The following GTF3C1 variants were observed in gnomAD, a reference collection of about 807,000 sequenced individuals.
GTF3C1 encodes the protein general transcription factor 3C polypeptide 1.
A neutral mutation model predicts 226.7 loss-of-function variants in GTF3C1; 57 were observed. The observed-to-expected ratio is 0.25, with a 90% CI of 0.20 to 0.31. The LOEUF (loss-of-function observed/expected upper bound fraction) is 0.31. Ranked by LOEUF, GTF3C1 falls within the 10% of genes least tolerant of loss-of-function variation. The probability of loss-of-function intolerance (pLI) is 1.00; values close to 1 mark genes in which losing one functional copy is unlikely to be tolerated. For missense variants in GTF3C1, 2,217 were observed against 2,776.1 expected, an observed-to-expected ratio of 0.80 and a Z score of 4.53; for synonymous variants, 1,090 against 1,084.8, an observed-to-expected ratio of 1.00 and a Z score of -0.09.
chr16:27,461,672 G>T lies in GTF3C1; in HGVS notation c.6118-110C>A. 1.3e-6 allele frequency: 1 copy of T among 794,456 alleles called. No homozygotes were observed. The highest frequency in any genetic ancestry group is 2.1e-6 in the Non-Finnish European group (1 of 485,160). The allele number at this position is 794,456 out of a possible 1,614,324, so 49.2% of individuals were successfully genotyped here. On this transcript the variant is annotated intron_variant, in intron 36 of 36. Coordinates refer to ENST00000356183, the MANE Select transcript of GTF3C1 (RefSeq NM_001520.4). The surrounding 1 kb of genome is among the most constrained non-coding windows in gnomAD (Gnocchi z 5.3). ...CTCTGTACCAGGGAGCCACTTCCCA[G>T]AGCAGGGGGCACCTGAACTGGGCAT...
chr16:27,503,069 T>A, intron 10 of GTF3C1, 74 bp from the exon 11 acceptor site: 1 of 1,136,710 alleles, frequency 8.8e-7, no homozygotes, highest in South Asian at 1.3e-5. Flanking sequence ...CACCTGTGGG[T>A]GCACTGGCCC....
At chr16:27,517,859 A>T (rs232081) in intron 6 of GTF3C1, among the ~76,000 whole-genome samples, 25,241 of 152,224 alleles carry the variant, frequency 0.17, 2,264 homozygotes, top group Middle Eastern at 0.22. Flanking sequence ...ATGTGATCTA[A>T]CCGATGCCTT....
At chr16:27,472,037 G>C in intron 29 of GTF3C1, 117 bp from the exon 30 acceptor site, 1 of 840,860 alleles carries the variant, frequency 1.2e-6, no homozygotes, top group Non-Finnish European at 1.9e-6. Flanking sequence ...CCGATCGTGG[G>C]AGGCCCAGGC....
At chr16:27,479,843 C>T (rs1010228676) in intron 27 of GTF3C1, among the ~76,000 whole-genome samples, 2 of 152,150 alleles carry the variant, frequency 1.3e-5, no homozygotes, top group African/African-American at 4.8e-5. Context: ...GTTACACTTG[C>T]AACTTTTTCT....
chr16:27,492,417 G>A lies in GTF3C1; in HGVS notation c.3072C>T (p.Arg1024=). ...CCTGCATTGAGTTCAGGACATAGAG[G>A]CGCCTCTCGAAGGGCCGGCTGCTGC... ...LARSSRPFER[R]LYVLNSMQDV... The change falls in exon 19 of 37, where the codon CGC becomes CGT. Residue 1024 remains arginine (R), a synonymous_variant. Coordinates refer to ENST00000356183, the MANE Select transcript of GTF3C1 (RefSeq NM_001520.4). This position sits in a 1 kb window ranked among gnomAD's most constrained non-coding sequence, Gnocchi z 5.0. 1 of 1,611,464 alleles carries A rather than the reference G, an allele frequency of 6.2e-7. No homozygotes were observed. The highest frequency in any genetic ancestry group is 8.5e-7 in the Non-Finnish European group (1 of 1,177,770).
chr16:27,496,471 G>A (rs1233453956), intron 14 of GTF3C1, among the ~76,000 whole-genome samples: 2 of 152,268 alleles, frequency 1.3e-5, no homozygotes, highest in Non-Finnish European at 2.9e-5. Flanking sequence ...GGAGTACAGT[G>A]GCATGATCTC....
chr16:27,500,135 G>A (rs548744948), intron 12 of GTF3C1, among the ~76,000 whole-genome samples: 2 of 152,192 alleles, frequency 1.3e-5, no homozygotes, highest in Admixed American at 1.3e-4. Context: ...GGAGGGTGGG[G>A]GGTTCCTGTC....
intron 15 of GTF3C1, 134 bp from the exon 16 acceptor site, chr16:27,495,042 A>C (rs2088295030): frequency 2.2e-6 from 2 of 903,586 alleles, no homozygotes; most frequent in African/African-American, 3.3e-5. Flanking sequence ...GTCAGGCAGG[A>C]AGGAAGATGA....
rs115738425 is a variant in GTF3C1, at chr16:27,513,826, G to A, written c.974-1925C>T. Among the ~76,000 whole-genome samples, 825 of 152,270 alleles carry A rather than the reference G, an allele frequency of 5.4e-3. 12 individuals are homozygous for A. Among genetic ancestry groups the A allele is most frequent in the African/African-American group, 0.019 (789 of 41,550 alleles). On this transcript the variant is annotated intron_variant, in intron 6 of 36. Transcript: ENST00000356183. ...CGATGCACAGAATCCTGGGTGCTAC[G>A]GCAAGGAGTGGGCACTGACGCTGGC...
At chr16:27,478,247 C>T (rs1272533103) in intron 28 of GTF3C1, among the ~76,000 whole-genome samples, 2 of 152,056 alleles carry the variant, frequency 1.3e-5, no homozygotes, top group Non-Finnish European at 2.9e-5. Context: ...CGTCCCCTTA[C>T]CCACAAATTG....
At chr16:27,533,200 G>A in intron 5 of GTF3C1, 91 bp downstream of exon 5, 1 of 673,714 alleles carries the variant, frequency 1.5e-6, no homozygotes, top group Non-Finnish European at 2.7e-6. Context: ...ATAGGGCTTT[G>A]GGTTGCAATT....
At chr16:27,479,905 T>C (rs887758552) in intron 27 of GTF3C1, among the ~76,000 whole-genome samples, 2 of 152,176 alleles carry the variant, frequency 1.3e-5, no homozygotes, top group African/African-American at 2.4e-5. Context: ...TCTTCTTTTA[T>C]GATTAAAAAT....
intron 23 of GTF3C1, among the ~76,000 whole-genome samples, chr16:27,487,516 C>T (rs1480458912): frequency 6.6e-6 from 1 of 152,248 alleles, no homozygotes; most frequent in Non-Finnish European, 1.5e-5. Flanking sequence ...TGCAGGCTTA[C>T]ACGACTCCCA....
At chr16:27,531,041 C>T (rs984011757) in intron 5 of GTF3C1, among the ~76,000 whole-genome samples, 8 of 152,216 alleles carry the variant, frequency 5.3e-5, no homozygotes, top group African/African-American at 1.9e-4. Context: ...CCTCCACCAG[C>T]TCATATGCCT....
At chr16:27,478,597 G>A in intron 27 of GTF3C1, 66 bp from the exon 28 acceptor site, 1 of 1,031,030 alleles carries the variant, frequency 9.7e-7, no homozygotes, top group Non-Finnish European at 1.5e-6. Flanking sequence ...AGCGGATGCT[G>A]GCTCAAGATG....
intron 12 of GTF3C1, among the ~76,000 whole-genome samples, chr16:27,500,137 G>T (rs1013324531): frequency 6.6e-6 from 1 of 152,124 alleles, no homozygotes; most frequent in Non-Finnish European, 1.5e-5. Context: ...AGGGTGGGGG[G>T]TTCCTGTCTT....
chr16:27,510,511 A>T (rs556670097), intron 7 of GTF3C1, among the ~76,000 whole-genome samples: 3 of 152,232 alleles, frequency 2.0e-5, no homozygotes, highest in Admixed American at 1.3e-4. Flanking sequence ...GAACTGAGAT[A>T]CCACTGCACT....
At position 27,464,702 on chromosome 16, in the gene GTF3C1, T is replaced by C; in HGVS notation, c.5490A>G (p.Glu1830=). The change falls in exon 34 of 37, where the codon GAA becomes GAG. Residue 1830 remains glutamate (E), a synonymous_variant. Transcript: ENST00000356183. The stretch of plus-strand genomic sequence containing the variant: ...CCTCCAGGGGTCTGGCCTGGGGGTC[T>C]TCTCTCTGGATGTCGGCGTCTTCTC... ...KDREDADIQR[E]DPQARPLEGS... is the part of the protein sequence containing the mutation. The C allele has an allele frequency of 6.3e-7, 1 of 1,597,874 alleles. No homozygotes were observed. Among genetic ancestry groups the C allele is most frequent in the Non-Finnish European group, 8.5e-7 (1 of 1,177,266 alleles).
At chr16:27,524,594 G>C (rs1484469088) in intron 6 of GTF3C1, among the ~76,000 whole-genome samples, 2 of 152,318 alleles carry the variant, frequency 1.3e-5, no homozygotes, top group East Asian at 3.9e-4. Context: ...AGTCCATTCA[G>C]GTGTGAGGTG....
Sources: allele counts gnomAD v4.1 joint callset (sites outside exome capture counted in the v4.1 genomes callset), GRCh38; gene constraint gnomAD v4.1.1; non-coding constraint Gnocchi (gnomAD v3.1); transcripts MANE v1.5; gene names NCBI Gene and HGNC (gene_info 2026-07-23, HGNC 2026-07-21).